Variants in STARD13 observed in about 807,000 individuals in gnomAD.
The protein encoded by STARD13 is stAR-related lipid transfer protein 13.
Under a neutral mutation model 106.4 loss-of-function variants are expected in STARD13, and 62 were observed. That is an observed-to-expected ratio of 0.58 (90% CI 0.48 to 0.72). The LOEUF (loss-of-function observed/expected upper bound fraction) is 0.72. STARD13 is among the 30% of genes least tolerant of loss of function. The pLI, the probability that STARD13 is intolerant of heterozygous loss-of-function variation, is 0.00. For synonymous variants in STARD13, 565 were observed against 553.0 expected, an observed-to-expected ratio of 1.02 and a Z score of -0.31; for missense variants, 1,387 against 1,424.0, an observed-to-expected ratio of 0.97 and a Z score of 0.42.
At chr13:33,219,826 AGAAAG>A (rs1243863554) in intron 1 of STARD13, among the ~76,000 whole-genome samples, 28 of 130,962 alleles carry the variant, frequency 2.1e-4, no homozygotes, top group African/African-American at 7.4e-4. Flanking sequence ...AAAAAAAAAA[AGAAAG>A]AAAGAAAGAA....
At chr13:33,220,768 T>C (rs1888314153) in intron 1 of STARD13, among the ~76,000 whole-genome samples, 3 of 152,334 alleles carry the variant, frequency 2.0e-5, no homozygotes, top group South Asian at 4.1e-4. Context: ...CTGAAAGTCA[T>C]CCAGGTTCTG....
chr13:33,633,862 G>A, the STARD13 span, among the ~76,000 whole-genome samples: 1 of 152,078 alleles, frequency 6.6e-6, no homozygotes, highest in East Asian at 1.9e-4. Flanking sequence ...CACAGTGGAG[G>A]GCTCATTTTC....
intron 7 of STARD13, among the ~76,000 whole-genome samples, chr13:33,123,055 C>CAA (rs71071079): frequency 0.13 from 5,908 of 45,552 alleles, 1,171 homozygotes; most frequent in African/African-American, 0.23. Context: ...GACTCCATCT[C>CAA]AAAAAAAAAA....
the STARD13 span, among the ~76,000 whole-genome samples, chr13:33,548,258 C>G: frequency 2.8e-4 from 42 of 152,098 alleles, no homozygotes; most frequent in African/African-American, 9.4e-4. Context: ...GAAATGAGAA[C>G]AAGAGGACAT....
the STARD13 span, among the ~76,000 whole-genome samples, chr13:33,604,926 C>T: frequency 6.6e-6 from 1 of 152,000 alleles, no homozygotes. Flanking sequence ...GAGTTTTCTA[C>T]TCACAGATCT....
chr13:33,473,498 T>C, the STARD13 span, among the ~76,000 whole-genome samples: 342 of 152,314 alleles, frequency 2.2e-3, no homozygotes, highest in African/African-American at 8.1e-3. Flanking sequence ...AAGAGTATTG[T>C]TGCCGGACTT....
intron 1 of STARD13, among the ~76,000 whole-genome samples, chr13:33,325,995 A>C (rs955809460): frequency 6.6e-6 from 1 of 150,914 alleles, no homozygotes; most frequent in African/African-American, 2.4e-5. Context: ...AAAAAAAAAA[A>C]AAAAAAAAAA....
At chr13:33,176,581 A>G (rs797220) in intron 1 of STARD13, among the ~76,000 whole-genome samples, 88,450 of 152,102 alleles carry the variant, frequency 0.58, 27,385 homozygotes, top group Non-Finnish European at 0.68. Flanking sequence ...GTTAATAGAT[A>G]TTGACATTAT....
chr13:33,607,022 T>G, the STARD13 span, among the ~76,000 whole-genome samples: 65 of 152,298 alleles, frequency 4.3e-4, 1 homozygote, highest in African/African-American at 1.4e-3. Flanking sequence ...ATCTGCTACC[T>G]TCATTCCTTT....
chr13:33,324,804 G>C (rs1893680355), intron 1 of STARD13, among the ~76,000 whole-genome samples: 1 of 152,260 alleles, frequency 6.6e-6, no homozygotes, highest in East Asian at 1.9e-4. Context: ...TGTGTTTTCT[G>C]AGTACATGGA....
chr13:33,163,828 A>G (rs1242915941), intron 3 of STARD13, among the ~76,000 whole-genome samples: 2 of 150,066 alleles, frequency 1.3e-5, no homozygotes, highest in Non-Finnish European at 3.0e-5. Flanking sequence ...AATAATATAT[A>G]ATTTTTCAAA....
At chr13:33,230,344 A>G (rs1594137319) in intron 1 of STARD13, among the ~76,000 whole-genome samples, 1 of 152,350 alleles carries the variant, frequency 6.6e-6, no homozygotes, top group Non-Finnish European at 1.5e-5. Flanking sequence ...TACCTTGGTT[A>G]GAAAGAAGAA....
chr13:33,226,353 A>G (rs978277645), intron 1 of STARD13, among the ~76,000 whole-genome samples: 2 of 152,094 alleles, frequency 1.3e-5, no homozygotes, highest in East Asian at 3.8e-4. Flanking sequence ...TCATAAAAGT[A>G]CAGGAAGTCT....
At chr13:33,650,250 G>A in the STARD13 span, among the ~76,000 whole-genome samples, 5 of 124,328 alleles carry the variant, frequency 4.0e-5, no homozygotes, top group Admixed American at 9.7e-5. Flanking sequence ...GAGTGCAGTG[G>A]CGCGATCTCT....
the STARD13 span, among the ~76,000 whole-genome samples, chr13:33,605,018 T>C: frequency 6.6e-6 from 1 of 151,808 alleles, no homozygotes; most frequent in South Asian, 2.1e-4. Flanking sequence ...AAGGGAGGAT[T>C]GCTTGAGTCC....
At chr13:33,590,732 G>A in the STARD13 span, among the ~76,000 whole-genome samples, 1 of 150,106 alleles carries the variant, frequency 6.7e-6, no homozygotes, top group Non-Finnish European at 1.5e-5. Context: ...GGGAGGGATA[G>A]CATTAGGAGA....
chr13:33,451,032 G>A, the STARD13 span, among the ~76,000 whole-genome samples: 2 of 152,094 alleles, frequency 1.3e-5, no homozygotes, highest in African/African-American at 2.4e-5. Context: ...TCAGGCACAT[G>A]CCACCAGGCC....
At chr13:33,235,921 T>C (rs1307149442) in intron 1 of STARD13, among the ~76,000 whole-genome samples, 1 of 152,166 alleles carries the variant, frequency 6.6e-6, no homozygotes, top group Non-Finnish European at 1.5e-5. Context: ...CGTTGGTAAA[T>C]GAACATCAGG....
chr13:33,442,742 A>G, the STARD13 span, among the ~76,000 whole-genome samples: 1 of 152,342 alleles, frequency 6.6e-6, no homozygotes, highest in African/African-American at 2.4e-5. Context: ...GTAGTACATG[A>G]AACATTAGAA....
Sources: gnomAD v4.1 joint callset for allele counts (sites outside exome capture counted in the v4.1 genomes callset) on GRCh38, gnomAD v4.1.1 for gene constraint, MANE v1.5 for transcripts, NCBI Gene and HGNC (gene_info 2026-07-23, HGNC 2026-07-21) for gene names.